The following ANTXR2 variants were observed in gnomAD, a reference collection of about 807,000 sequenced individuals.
ANTXR2 encodes ANTXR cell adhesion molecule 2.
In ANTXR2, 44 loss-of-function variants were observed where a neutral mutation model predicts 73.7. The ratio of observed to expected loss-of-function variants is 0.60; its 90% CI spans 0.47 to 0.77. ANTXR2 has a LOEUF of 0.77. Among genes scored for constraint, ANTXR2 ranks in the 30% least tolerant of loss-of-function variants. The probability of loss-of-function intolerance (pLI) is 0.00; values close to 1 mark genes in which losing one functional copy is unlikely to be tolerated. For missense variants in ANTXR2, 604 were observed against 592.5 expected, an observed-to-expected ratio of 1.02 and a Z score of -0.20; for synonymous variants, 217 against 205.9, an observed-to-expected ratio of 1.05 and a Z score of -0.46.
At position 79,947,983 on chromosome 4, in the gene ANTXR2, T is replaced by C. The variant is rs905552012; in HGVS notation, c.1428+29638A>G. Among the ~76,000 whole-genome samples, 5 of 152,300 alleles carry C rather than the reference T, an allele frequency of 3.3e-5. 1 individual carries two copies. The East Asian group carries it at 5.8e-4, about 18-fold the overall frequency. On this transcript the variant is annotated intron_variant, in intron 16 of 16. Coordinates refer to ENST00000403729, the MANE Select transcript of ANTXR2 (RefSeq NM_058172.6). ...CTTTTCGAGTAATACAATAAATTGC[T>C]AGTTGACTGTACTCATTTCTAGCTT... is the stretch of plus-strand genomic sequence containing the variant.
intron 15 of ANTXR2, 38 bp from the exon 16 acceptor site, chr4:79,977,739 T>C (rs1482472499): frequency 2.0e-6 from 3 of 1,509,898 alleles, no homozygotes; most frequent in Non-Finnish European, 1.8e-6. Context: ...CCAGAGAATG[T>C]ACTCAATCTC....
At chr4:79,926,976 T>TACACATGTGTATATGTGTATATATATAC (rs1553925982) in intron 16 of ANTXR2, among the ~76,000 whole-genome samples, 1 of 90,594 alleles carries the variant, frequency 1.1e-5, no homozygotes, top group Non-Finnish European at 2.0e-5. Flanking sequence ...TGTGTATATA[T>TACACATGTGTATATGTGTATATATATAC]ACGTGTGCAT....
At chr4:79,973,228 C>T (rs2110006228) in intron 16 of ANTXR2, among the ~76,000 whole-genome samples, 1 of 152,144 alleles carries the variant, frequency 6.6e-6, no homozygotes, top group African/African-American at 2.4e-5. Context: ...TGGGGCCCTT[C>T]AATTATCCTA....
chr4:80,071,180 CT>C (rs1396235512), intron 2 of ANTXR2, among the ~76,000 whole-genome samples: 1 of 152,138 alleles, frequency 6.6e-6, no homozygotes, highest in Non-Finnish European at 1.5e-5. Context: ...TTTTCCAACA[CT>C]TTTTGTTTGT....
intron 11 of ANTXR2, among the ~76,000 whole-genome samples, chr4:80,010,230 G>A (rs1185319261): frequency 1.3e-5 from 2 of 152,142 alleles, no homozygotes; most frequent in South Asian, 2.1e-4. Flanking sequence ...ATCAGCTACC[G>A]TCCACAGGCA....
At chr4:80,062,746 G>A (rs1435073159) in intron 3 of ANTXR2, among the ~76,000 whole-genome samples, 1 of 152,204 alleles carries the variant, frequency 6.6e-6, no homozygotes, top group African/African-American at 2.4e-5. Flanking sequence ...ACTGGAGAAG[G>A]AGAACCCAGA....
chr4:79,996,929 T>A (rs760138474), intron 12 of ANTXR2, among the ~76,000 whole-genome samples: 3 of 151,974 alleles, frequency 2.0e-5, no homozygotes, highest in Non-Finnish European at 2.9e-5. Flanking sequence ...CTTTCACCAC[T>A]TTATGAACCA....
At chr4:79,919,417 G>T (rs951572321) in intron 16 of ANTXR2, among the ~76,000 whole-genome samples, 4 of 152,196 alleles carry the variant, frequency 2.6e-5, no homozygotes, top group African/African-American at 9.6e-5. Context: ...TATTGTTCCA[G>T]GGTGTGTCTT....
Position 79,905,394 on chromosome 4 carries a change from A to C in ANTXR2, c.*2035T>G, listed in dbSNP as rs1469244121. The C allele has an allele frequency of 6.6e-6, 1 of 152,202 alleles. No homozygotes were observed. The highest frequency in any genetic ancestry group is 1.5e-5 in the Non-Finnish European group (1 of 68,042). The allele number at this position is 152,202 out of a possible 1,614,324, so 9.4% of individuals were successfully genotyped here. A position where few individuals can be genotyped will look rare whatever the true frequency, so the allele number is the denominator to read the frequency against. ...CATTGCAGAAAGGGTTGGGTATACT[A>C]TATCAGGCTTCCAAGTTACACTTGC... On this transcript the variant is annotated 3_prime_UTR_variant, in exon 17 of 17. Transcript: ENST00000403729.
At chr4:80,055,638 A>G (rs1293775214) in intron 4 of ANTXR2, among the ~76,000 whole-genome samples, 171 bp from the exon 5 acceptor site, 4 of 151,954 alleles carry the variant, frequency 2.6e-5, no homozygotes, top group African/African-American at 4.8e-5. Flanking sequence ...TATTCACATT[A>G]CAGAGTAGTT....
intron 3 of ANTXR2, among the ~76,000 whole-genome samples, chr4:80,068,999 A>C (rs1220398054): frequency 6.6e-6 from 1 of 152,214 alleles, no homozygotes; most frequent in Non-Finnish European, 1.5e-5. Context: ...TATATTCAGC[A>C]TTAATGGACC....
intron 15 of ANTXR2, 30 bp from the exon 16 acceptor site, chr4:79,977,731 A>G (rs752868456): frequency 6.5e-7 from 1 of 1,544,346 alleles, no homozygotes; most frequent in Non-Finnish European, 8.8e-7. Flanking sequence ...GTGAATTCCC[A>G]GAGAATGTAC....
rs2109919224 is a variant in ANTXR2 at position 79,904,693 on chromosome 4, T to G, written c.*2736A>C. On this transcript the variant is annotated 3_prime_UTR_variant, in exon 17 of 17. Transcript: ENST00000403729. Reference sequence around the variant, plus strand: ...TTAGGAGTCATTTCCCACTTAATTGTTTTTGCAACCTTATGCAACACGAAT... The same window carrying G: ...TTAGGAGTCATTTCCCACTTAATTGGTTTTGCAACCTTATGCAACACGAAT... 1 of 152,270 alleles carries G rather than the reference T, an allele frequency of 6.6e-6. No individual in the cohort carries two copies. Among genetic ancestry groups the G allele is most frequent in the Non-Finnish European group, 1.5e-5 (1 of 68,010 alleles). 9.4% of individuals were successfully genotyped at this position (152,270 alleles called of 1,614,324 possible).
intron 16 of ANTXR2, among the ~76,000 whole-genome samples, chr4:79,924,526 G>A (rs1727709172): frequency 6.6e-6 from 1 of 151,794 alleles, no homozygotes; most frequent in Non-Finnish European, 1.5e-5. Context: ...AAACATAACT[G>A]GATAAACCAA....
chr4:80,048,267 T>TAAA (rs557989348), intron 7 of ANTXR2, among the ~76,000 whole-genome samples: 2 of 122,776 alleles, frequency 1.6e-5, no homozygotes, highest in Admixed American at 8.4e-5. Context: ...AAGCATTAGG[T>TAAA]AAAAAAAAAA....
chr4:79,977,541 A>C, intron 16 of ANTXR2, 80 bp downstream of exon 16: 1 of 1,525,192 alleles, frequency 6.6e-7, no homozygotes, highest in Non-Finnish European at 8.8e-7. Flanking sequence ...CTTTAAAATC[A>C]TTTTTTATTA....
At chr4:80,052,116 A>T (rs977834357) in intron 7 of ANTXR2, among the ~76,000 whole-genome samples, 3 of 151,614 alleles carry the variant, frequency 2.0e-5, no homozygotes, top group Non-Finnish European at 3.0e-5. Context: ...AAGACTTAAA[A>T]TTTTTTATTT....
chr4:80,004,446 T>A (rs1276745499), intron 12 of ANTXR2, among the ~76,000 whole-genome samples: 1 of 151,818 alleles, frequency 6.6e-6, no homozygotes, highest in Non-Finnish European at 1.5e-5. Flanking sequence ...CTGAAGTGAG[T>A]CTTACAGGGT....
chr4:80,005,948 C>T (rs957491543), intron 12 of ANTXR2, among the ~76,000 whole-genome samples: 1 of 152,124 alleles, frequency 6.6e-6, no homozygotes, highest in African/African-American at 2.4e-5. Context: ...AAAATCCAAA[C>T]CATCATTCAC....
Sources: gnomAD v4.1 joint callset for allele counts (sites outside exome capture counted in the v4.1 genomes callset) on GRCh38, gnomAD v4.1.1 for gene constraint, MANE v1.5 for transcripts, NCBI Gene and HGNC (gene_info 2026-07-23, HGNC 2026-07-21) for gene names.